The following SUGCT variants were observed in gnomAD, a reference collection of about 807,000 sequenced individuals.
SUGCT encodes the protein succinyl-CoA:glutarate CoA-transferase.
A neutral mutation model predicts 55.0 loss-of-function variants in SUGCT; 41 were observed. The ratio of observed to expected loss-of-function variants is 0.74; its 90% CI spans 0.58 to 0.97. The LOEUF (loss-of-function observed/expected upper bound fraction) is 0.97, where lower values mean the gene tolerates loss of function less well. Among genes scored for constraint, SUGCT ranks in the 50% least tolerant of loss-of-function variants. The pLI is 0.00. For missense variants in SUGCT, 568 were observed against 547.8 expected, an observed-to-expected ratio of 1.04 and a Z score of -0.37; for synonymous variants, 187 against 200.4, an observed-to-expected ratio of 0.93 and a Z score of 0.56.
intron 7 of SUGCT, among the ~76,000 whole-genome samples, chr7:40,262,118 C>T (rs974344921): frequency 5.3e-5 from 8 of 151,958 alleles, no homozygotes; most frequent in African/African-American, 1.5e-4. Flanking sequence ...ATAGTGTGAT[C>T]GAAGTATTAA....
the SUGCT span, among the ~76,000 whole-genome samples, chr7:40,995,379 G>T: frequency 1.9e-5 from 1 of 52,400 alleles, no homozygotes; most frequent in Non-Finnish European, 3.5e-5. Flanking sequence ...TCCTATAATA[G>T]CTGTTATTAT....
intron 8 of SUGCT, among the ~76,000 whole-genome samples, chr7:40,290,876 AT>A (rs1325873062): frequency 6.6e-6 from 1 of 152,232 alleles, no homozygotes; most frequent in African/African-American, 2.4e-5. Flanking sequence ...AAAAGAAGAC[AT>A]TTACGCAGCC....
At chr7:40,654,840 C>G (rs1317685068) in intron 12 of SUGCT, among the ~76,000 whole-genome samples, 1 of 152,176 alleles carries the variant, frequency 6.6e-6, no homozygotes, top group Non-Finnish European at 1.5e-5. Context: ...TGTCCCCTAA[C>G]TCAACCTTAC....
intron 13 of SUGCT, among the ~76,000 whole-genome samples, chr7:40,789,496 T>C (rs1790200205): frequency 6.6e-6 from 1 of 152,188 alleles, no homozygotes; most frequent in South Asian, 2.1e-4. Flanking sequence ...TATTCCATTG[T>C]ATATATATAC....
At chr7:40,594,593 C>G (rs1797904467) in intron 12 of SUGCT, among the ~76,000 whole-genome samples, 1 of 152,192 alleles carries the variant, frequency 6.6e-6, no homozygotes, top group Non-Finnish European at 1.5e-5. Context: ...CTGAGTCAAA[C>G]TATGGCCCCA....
At chr7:40,791,786 A>G (rs1790323912) in intron 13 of SUGCT, among the ~76,000 whole-genome samples, 1 of 152,192 alleles carries the variant, frequency 6.6e-6, no homozygotes, top group Admixed American at 6.6e-5. Flanking sequence ...AATGTACTGA[A>G]GCTGTCACCT....
chr7:40,296,842 A>G (rs1241225204), intron 8 of SUGCT, among the ~76,000 whole-genome samples: 2 of 152,044 alleles, frequency 1.3e-5, no homozygotes, highest in Non-Finnish European at 2.9e-5. Flanking sequence ...CATCCTATAT[A>G]GGCCTCTAGA....
intron 12 of SUGCT, among the ~76,000 whole-genome samples, chr7:40,616,202 T>A (rs1798994522): frequency 6.6e-6 from 1 of 152,302 alleles, no homozygotes; most frequent in East Asian, 1.9e-4. Flanking sequence ...AGTAGTTTTT[T>A]TTTTTCTTTT....
At chr7:40,206,884 C>T (rs151194846) in intron 6 of SUGCT, among the ~76,000 whole-genome samples, 15 of 152,152 alleles carry the variant, frequency 9.9e-5, no homozygotes, top group Non-Finnish European at 2.1e-4. Flanking sequence ...ATACAAAAGG[C>T]AGATTGTATT....
chr7:40,793,005 A>G (rs1351256408), intron 13 of SUGCT, among the ~76,000 whole-genome samples: 1 of 152,184 alleles, frequency 6.6e-6, no homozygotes, highest in Non-Finnish European at 1.5e-5. Flanking sequence ...GTTATAATGC[A>G]TATCCATATT....
At chr7:40,905,053 A>T in the SUGCT span, among the ~76,000 whole-genome samples, 1 of 152,196 alleles carries the variant, frequency 6.6e-6, no homozygotes, top group Non-Finnish European at 1.5e-5. Flanking sequence ...GAGATGTTCA[A>T]TTCTGAAGAA....
chr7:40,169,931 TAG>T (rs1423553071), intron 1 of SUGCT, among the ~76,000 whole-genome samples: 1 of 152,180 alleles, frequency 6.6e-6, no homozygotes, highest in Non-Finnish European at 1.5e-5. Context: ...TGACCTTCAA[TAG>T]AGTCAGGTGA....
At chr7:40,341,650 G>C (rs567535110) in intron 9 of SUGCT, among the ~76,000 whole-genome samples, 2 of 152,268 alleles carry the variant, frequency 1.3e-5, no homozygotes, top group East Asian at 3.9e-4. Flanking sequence ...AGAAAGTGGC[G>C]GGGAGGATCC....
chr7:40,397,964 C>T (rs918457809), intron 9 of SUGCT, among the ~76,000 whole-genome samples: 1 of 152,214 alleles, frequency 6.6e-6, no homozygotes. Context: ...TTTCAAATCA[C>T]AGGTTCTAGC....
At chr7:40,357,055 A>C (rs921944643) in intron 9 of SUGCT, among the ~76,000 whole-genome samples, 1 of 152,238 alleles carries the variant, frequency 6.6e-6, no homozygotes, top group Non-Finnish European at 1.5e-5. Context: ...AAAATGACTC[A>C]TCACTGGTAA....
At chr7:40,753,568 T>C (rs1176316215) in intron 13 of SUGCT, among the ~76,000 whole-genome samples, 1 of 152,224 alleles carries the variant, frequency 6.6e-6, no homozygotes, top group Non-Finnish European at 1.5e-5. Context: ...TTTCCTGCCT[T>C]ATTTATGAAC....
At chr7:40,652,388 A>C (rs1442081702) in intron 12 of SUGCT, among the ~76,000 whole-genome samples, 1 of 152,182 alleles carries the variant, frequency 6.6e-6, no homozygotes, top group Non-Finnish European at 1.5e-5. Context: ...GGTTTGATGA[A>C]CTGATTGAAT....
intron 7 of SUGCT, among the ~76,000 whole-genome samples, chr7:40,242,810 C>T (rs1310750142): frequency 6.8e-6 from 1 of 147,570 alleles, no homozygotes; most frequent in Non-Finnish European, 1.5e-5. Flanking sequence ...GACCGTGGTC[C>T]TTGATTTGGT....
chr7:40,719,898 C>T (rs1375524030), intron 12 of SUGCT, among the ~76,000 whole-genome samples: 2 of 152,080 alleles, frequency 1.3e-5, no homozygotes, highest in African/African-American at 4.8e-5. Flanking sequence ...TGGGTTCAAG[C>T]AATTCTCCTG....
Sources: gnomAD v4.1 joint callset for allele counts (sites outside exome capture counted in the v4.1 genomes callset) on GRCh38, gnomAD v4.1.1 for gene constraint, MANE v1.5 for transcripts, NCBI Gene and HGNC (gene_info 2026-07-23, HGNC 2026-07-21) for gene names.